The following PHF21A variants were observed in gnomAD, a reference collection of about 807,000 sequenced individuals.
PHF21A encodes BHC80a.
A neutral mutation model predicts 82.5 loss-of-function variants in PHF21A; 11 were observed. That is an observed-to-expected ratio of 0.13 (90% confidence interval 0.08 to 0.22). PHF21A has a LOEUF of 0.22. PHF21A is among the 10% of genes least tolerant of loss of function. The pLI, the probability that PHF21A is intolerant of heterozygous loss-of-function variation, is 1.00. For missense variants in PHF21A, 579 were observed against 837.8 expected, an observed-to-expected ratio of 0.69 and a Z score of 3.81; for synonymous variants, 297 against 302.8, an observed-to-expected ratio of 0.98 and a Z score of 0.20.
chr11:46,090,947 A>G (rs2096917482), intron 2 of PHF21A, among the ~76,000 whole-genome samples: 1 of 152,186 alleles, frequency 6.6e-6, no homozygotes, highest in Non-Finnish European at 1.5e-5. Context: ...TCTGGTATAA[A>G]TGGGTTAAGG....
chr11:45,981,392 CAAAAAAA>C (rs59866051), intron 6 of PHF21A, among the ~76,000 whole-genome samples: 9 of 60,292 alleles, frequency 1.5e-4, no homozygotes, highest in African/African-American at 4.8e-4. Context: ...AACCCTGTCT[CAAAAAAA>C]AAAAAAAAAA....
At chr11:46,100,849 A>G (rs2097085958) in intron 1 of PHF21A, among the ~76,000 whole-genome samples, 1 of 152,232 alleles carries the variant, frequency 6.6e-6, no homozygotes, top group African/African-American at 2.4e-5. Flanking sequence ...AAGAGCAAAC[A>G]AGGGAGCACA....
chr11:46,095,301 G>C (rs1375960223), intron 1 of PHF21A, among the ~76,000 whole-genome samples: 1 of 152,152 alleles, frequency 6.6e-6, no homozygotes, highest in Non-Finnish European at 1.5e-5. Context: ...ACATATTTAA[G>C]TCTGAAATGC....
At chr11:46,078,874 A>G (rs1271838411) in intron 5 of PHF21A, among the ~76,000 whole-genome samples, 1 of 152,152 alleles carries the variant, frequency 6.6e-6, no homozygotes, top group African/African-American at 2.4e-5. Context: ...TATTAACTCA[A>G]TATTTTTCTC....
At chr11:46,036,210 C>CT (rs967835658) in intron 6 of PHF21A, among the ~76,000 whole-genome samples, 8 of 152,240 alleles carry the variant, frequency 5.3e-5, no homozygotes, top group Non-Finnish European at 1.2e-4. Context: ...AAGATTCTGG[C>CT]TTTTTTATTG....
At chr11:46,109,438 C>G (rs2097186926) in intron 1 of PHF21A, among the ~76,000 whole-genome samples, 1 of 152,106 alleles carries the variant, frequency 6.6e-6, no homozygotes, top group South Asian at 2.1e-4. Context: ...GTCATTTCTC[C>G]AAAATGTGTG....
chr11:46,062,565 T>C (rs2096548373), intron 6 of PHF21A, among the ~76,000 whole-genome samples: 1 of 152,184 alleles, frequency 6.6e-6, no homozygotes, highest in Non-Finnish European at 1.5e-5. Flanking sequence ...TCTAAATTTA[T>C]AGTTATTTTG....
intron 15 of PHF21A, among the ~76,000 whole-genome samples, chr11:45,939,492 T>G (rs1214956192): frequency 6.6e-6 from 1 of 152,136 alleles, no homozygotes; most frequent in Non-Finnish European, 1.5e-5. Flanking sequence ...AATGAAGAAT[T>G]TAAAAAGCCA....
At chr11:45,986,830 T>C (rs900153309) in intron 6 of PHF21A, among the ~76,000 whole-genome samples, 11 of 152,220 alleles carry the variant, frequency 7.2e-5, no homozygotes, top group African/African-American at 9.6e-5. Flanking sequence ...ATGTCAATTA[T>C]ATTTCAATCA....
intron 6 of PHF21A, among the ~76,000 whole-genome samples, chr11:46,010,997 C>T (rs919016750): frequency 2.0e-5 from 3 of 152,134 alleles, no homozygotes; most frequent in Admixed American, 1.3e-4. Flanking sequence ...CACACACACA[C>T]CCCTCTCAAA....
At chr11:46,108,245 G>A (rs1169006503) in intron 1 of PHF21A, among the ~76,000 whole-genome samples, 1 of 151,898 alleles carries the variant, frequency 6.6e-6, no homozygotes, top group Non-Finnish European at 1.5e-5. Context: ...GAATAAACTA[G>A]AATCATTTAA....
At chr11:46,064,278 T>C (rs958480134) in intron 6 of PHF21A, among the ~76,000 whole-genome samples, 3 of 152,124 alleles carry the variant, frequency 2.0e-5, no homozygotes, top group African/African-American at 4.8e-5. Flanking sequence ...TTGGGCAAAG[T>C]GGGAGGGTTT....
At chr11:45,936,925 G>T in intron 16 of PHF21A, 1 of 197,072 alleles carries the variant, frequency 5.1e-6, no homozygotes, top group Non-Finnish European at 1.0e-5. Flanking sequence ...GCAGCCACTG[G>T]CAGTTTCGTC....
At chr11:46,075,790 A>C (rs2096718003) in intron 6 of PHF21A, among the ~76,000 whole-genome samples, 1 of 152,214 alleles carries the variant, frequency 6.6e-6, no homozygotes. Context: ...AGTTAAATGA[A>C]AACACAATAG....
chr11:46,071,081 T>G (rs1377629223), intron 6 of PHF21A, among the ~76,000 whole-genome samples: 1 of 152,208 alleles, frequency 6.6e-6, no homozygotes, highest in Non-Finnish European at 1.5e-5. Context: ...AATTTCCATA[T>G]CCTCTCTGTT....
At chr11:45,967,519 A>C (rs1043064560) in intron 9 of PHF21A, among the ~76,000 whole-genome samples, 3 of 152,168 alleles carry the variant, frequency 2.0e-5, no homozygotes, top group African/African-American at 7.2e-5. Context: ...AGTTTTTATA[A>C]GATACATTGG....
chr11:46,120,845 G>C (rs1853096553), intron 1 of PHF21A, 90 bp downstream of exon 1: 1 of 153,150 alleles, frequency 6.5e-6, no homozygotes, highest in African/African-American at 2.4e-5. Flanking sequence ...AGAGGGGGAA[G>C]GGGGAGGGAG....
At chr11:45,961,559 T>A (rs1419450981) in intron 10 of PHF21A, among the ~76,000 whole-genome samples, 1 of 152,226 alleles carries the variant, frequency 6.6e-6, no homozygotes, top group Non-Finnish European at 1.5e-5. Flanking sequence ...CAGATTCCTA[T>A]GAAAAATATT....
At chr11:45,987,258 G>GTATGTATGTATA (rs984439900) in intron 6 of PHF21A, among the ~76,000 whole-genome samples, 3 of 151,238 alleles carry the variant, frequency 2.0e-5, no homozygotes, top group Middle Eastern at 3.2e-3. Flanking sequence ...ATAAATGTAT[G>GTATGTATGTATA]TATGTATGTA....
Sources: gnomAD v4.1 joint callset for allele counts (sites outside exome capture counted in the v4.1 genomes callset) on GRCh38, gnomAD v4.1.1 for gene constraint, MANE v1.5 for transcripts, NCBI Gene and HGNC (gene_info 2026-07-23, HGNC 2026-07-21) for gene names.